PIPOX: variants seen among roughly 807,000 people sequenced by gnomAD.
PIPOX encodes peroxisomal sarcosine oxidase.
In PIPOX, 45 loss-of-function variants were observed where a neutral mutation model predicts 47.9. The observed-to-expected ratio is 0.94, with a 90% CI of 0.74 to 1.20. PIPOX has a LOEUF of 1.20. Ranked by LOEUF, PIPOX falls within the 50% of genes most tolerant of loss-of-function variation. The probability of loss-of-function intolerance (pLI) is 0.00; values close to 1 mark genes in which losing one functional copy is unlikely to be tolerated. For synonymous variants in PIPOX, 165 were observed against 191.3 expected, an observed-to-expected ratio of 0.86 and a Z score of 1.13; for missense variants, 458 against 498.4, an observed-to-expected ratio of 0.92 and a Z score of 0.77.
intron 2 of PIPOX, among the ~76,000 whole-genome samples, chr17:29,049,907 G>C (rs890819440): frequency 2.0e-5 from 3 of 152,216 alleles, no homozygotes; most frequent in Non-Finnish European, 2.9e-5. Context: ...CAGGGGCAGA[G>C]AGCTGGAGCA....
At chr17:29,045,152 C>T (rs2065780525) in intron 2 of PIPOX, 145 bp downstream of exon 2, 1 of 945,892 alleles carries the variant, frequency 1.1e-6, no homozygotes, top group Non-Finnish European at 1.5e-6. Flanking sequence ...TGGAAGAGTT[C>T]TGCTGTCATG....
chr17:29,055,992 C>A, intron 7 of PIPOX, 104 bp downstream of exon 7: 2 of 1,302,668 alleles, frequency 1.5e-6, no homozygotes, highest in Non-Finnish European at 2.2e-6. Flanking sequence ...AGGTGTGAAG[C>A]CTGGACATTG....
intron 4 of PIPOX, 91 bp from the exon 5 acceptor site, chr17:29,054,454 T>C: frequency 7.0e-7 from 1 of 1,429,654 alleles, no homozygotes; most frequent in South Asian, 1.2e-5. Context: ...AGGCTTGTGT[T>C]AGAGGGCCGC....
intron 2 of PIPOX, 35 bp downstream of exon 2, chr17:29,045,042 C>T (rs777201219): frequency 9.6e-5 from 149 of 1,558,958 alleles, no homozygotes; most frequent in Non-Finnish European, 3.5e-6. Flanking sequence ...AATCGTGGGG[C>T]TCTGCACCTG....
intron 6 of PIPOX, 58 bp from the exon 7 acceptor site, chr17:29,055,755 C>A: frequency 7.4e-7 from 1 of 1,358,800 alleles, no homozygotes; most frequent in Non-Finnish European, 1.1e-6. Context: ...TTAGAGCCTG[C>A]AGTTCTTTCT....
At chr17:29,049,110 A>G (rs1188329958) in intron 2 of PIPOX, among the ~76,000 whole-genome samples, 1 of 152,188 alleles carries the variant, frequency 6.6e-6, no homozygotes, top group Non-Finnish European at 1.5e-5. Context: ...AGAGTCAACA[A>G]GGCCCTCGGG....
At chr17:29,045,798 C>T (rs1289075687) in intron 2 of PIPOX, among the ~76,000 whole-genome samples, 2 of 152,170 alleles carry the variant, frequency 1.3e-5, no homozygotes, top group African/African-American at 4.8e-5. Flanking sequence ...TTTGTTCTCT[C>T]TGAGTACCTT....
chr17:29,051,853 A>C, intron 2 of PIPOX: 1 of 446,276 alleles, frequency 2.2e-6, no homozygotes, highest in East Asian at 7.1e-5. Flanking sequence ...TGCCCACTAA[A>C]TGTGAGAGGC....
At chr17:29,046,624 G>A in intron 2 of PIPOX, 1 of 985,476 alleles carries the variant, frequency 1.0e-6, no homozygotes, top group Non-Finnish European at 1.2e-6. Context: ...ACAGTGGGAG[G>A]AAAGGCAGGA....
At chr17:29,051,835 C>T (rs760695290) in intron 2 of PIPOX, 29 of 425,500 alleles carry the variant, frequency 6.8e-5, no homozygotes, top group Non-Finnish European at 8.8e-5. Flanking sequence ...TGTAGCATCC[C>T]GGGCCCCTGC....
intron 2 of PIPOX, among the ~76,000 whole-genome samples, chr17:29,050,618 G>T (rs899201104): frequency 1.3e-5 from 2 of 152,078 alleles, no homozygotes; most frequent in African/African-American, 4.8e-5. Flanking sequence ...CAGGAGGATT[G>T]CTTGAGGCCA....
intron 2 of PIPOX, among the ~76,000 whole-genome samples, chr17:29,050,847 GA>G (rs1289910201): frequency 6.6e-6 from 1 of 151,106 alleles, no homozygotes; most frequent in Non-Finnish European, 1.5e-5. Flanking sequence ...AAAAGAAAAA[GA>G]AAAAAAAGTT....
chr17:29,052,676 C>G (rs1430820190), intron 2 of PIPOX, among the ~76,000 whole-genome samples: 1 of 152,268 alleles, frequency 6.6e-6, no homozygotes, highest in East Asian at 1.9e-4. Context: ...CCTCTCACCT[C>G]AGCCTCCCAA....
chr17:29,046,398 G>C (rs1285163581), intron 2 of PIPOX, among the ~76,000 whole-genome samples: 1 of 152,198 alleles, frequency 6.6e-6, no homozygotes, highest in Non-Finnish European at 1.5e-5. Context: ...TCTGGAGTGA[G>C]ACAGGCTTAG....
rs1471514578 is a variant in PIPOX, at chr17:29,043,356, G to A, written c.114+17G>A. The A allele has an allele frequency of 5.1e-6, 8 of 1,566,510 alleles. No homozygotes were observed. The highest frequency in any genetic ancestry group is 7.0e-6 in the Non-Finnish European group (8 of 1,137,452). On this transcript the variant is annotated intron_variant, in intron 1 of 7. Transcript: ENST00000323372. ...CTGGAGCAGGTACTGTGTCCCTTCT[G>A]CACCCCCAGCTGTAAGGACTGTCCT...
At chr17:29,049,496 C>G (rs1026734357) in intron 2 of PIPOX, among the ~76,000 whole-genome samples, 1 of 152,124 alleles carries the variant, frequency 6.6e-6, no homozygotes, top group African/African-American at 2.4e-5. Context: ...AGAAAATAAG[C>G]ACTTAAATGA....
intron 2 of PIPOX, 123 bp downstream of exon 2, chr17:29,045,130 G>A: frequency 9.2e-7 from 1 of 1,087,284 alleles, no homozygotes; most frequent in Non-Finnish European, 1.3e-6. Context: ...GCCTCAAGAA[G>A]TACCAGATGC....
At position 29,056,614 on chromosome 17, in the gene PIPOX, G is replaced by C. The variant is rs1436168641; in HGVS notation, c.*309G>C. 2 of 428,934 alleles carry C rather than the reference G, an allele frequency of 4.7e-6. No homozygotes were observed. The highest frequency in any genetic ancestry group is 4.0e-5 in the African/African-American group (2 of 50,096). 26.6% of individuals were successfully genotyped at this position (428,934 alleles called of 1,614,324 possible). A position where few individuals can be genotyped will look rare whatever the true frequency, so the allele number is the denominator to read the frequency against. ...TATTCTACAATCACAGAGTAGCAAG[G>C]ACGTTTGAGATGGGTATATCAGTAA... On this transcript the variant is annotated 3_prime_UTR_variant, in exon 8 of 8. Transcript: ENST00000323372.
chr17:29,052,899 A>T, intron 2 of PIPOX, 21 bp from the exon 3 acceptor site: 2 of 1,608,596 alleles, frequency 1.2e-6, no homozygotes, highest in Non-Finnish European at 1.7e-6. Context: ...ACCTTCACCT[A>T]GGTGACTTAT....
Sources: gnomAD v4.1 joint callset for allele counts (sites outside exome capture counted in the v4.1 genomes callset) on GRCh38, gnomAD v4.1.1 for gene constraint, MANE v1.5 for transcripts, NCBI Gene and HGNC (gene_info 2026-07-23, HGNC 2026-07-21) for gene names.